The following PDIA6 variants were observed in gnomAD, a reference collection of about 807,000 sequenced individuals.
PDIA6 encodes the protein protein disulfide isomerase family A member 6, also known as protein disulfide-isomerase A6.
A neutral mutation model predicts 58.4 loss-of-function variants in PDIA6; 29 were observed. The observed-to-expected ratio is 0.50, with a 90% CI of 0.37 to 0.68. The LOEUF is 0.68. Among genes scored for constraint, PDIA6 ranks in the 30% least tolerant of loss-of-function variants. The pLI is 0.00. For synonymous variants in PDIA6, 192 were observed against 202.6 expected (o/e 0.95, Z 0.44); for missense variants, 480 against 551.0 (o/e 0.87, Z 1.29).
chr2:10,828,519 G>A (rs780017067), intron 1 of PDIA6, among the ~76,000 whole-genome samples: 12 of 152,094 alleles, frequency 7.9e-5, no homozygotes, highest in East Asian at 1.9e-4. Context: ...TCTGTCTCCC[G>A]CCCTCCTTGC....
upstream of PDIA6, among the ~76,000 whole-genome samples, chr2:10,836,732 T>G (rs1232362080): frequency 6.6e-6 from 1 of 152,140 alleles, no homozygotes; most frequent in African/African-American, 2.4e-5. Context: ...TGGCAACCAC[T>G]GATCTACTTA....
chr2:10,792,525 T>C (rs558963056), intron 5 of PDIA6, among the ~76,000 whole-genome samples: 1 of 152,328 alleles, frequency 6.6e-6, no homozygotes, highest in East Asian at 1.9e-4. Flanking sequence ...AAGAAGCTAG[T>C]GTAACTGGTC....
chr2:10,820,636 T>C (rs1390193978), intron 1 of PDIA6: 1 of 585,166 alleles, frequency 1.7e-6, no homozygotes, highest in Non-Finnish European at 3.1e-6. Flanking sequence ...TCTTGAGCTG[T>C]TTTTTGTTAG....
Position 10,793,120 on chromosome 2 carries a change from GCTCCGTCCCCCGAGGCGATC to G in PDIA6, c.409_428del (p.Asp137ArgfsTer12), listed in dbSNP as rs1666108765. On this transcript the variant is annotated frameshift_variant, in exon 5 of 13. Transcript: ENST00000272227. LOFTEE classifies it high-confidence loss of function. The stretch of plus-strand genomic sequence containing the variant: ...CTTGTTTTCCAGAACTGTATCCTCC[GCTCCGTCCCCCGAGGCGATC>G]CTTCACGAGCTGGCGCAGAGCACTC... 1 of 1,612,896 alleles carries G rather than the reference GCTCCGTCCCCCGAGGCGATC, an allele frequency of 6.2e-7. No homozygotes were observed. Among genetic ancestry groups the G allele is most frequent in the Non-Finnish European group, 8.5e-7 (1 of 1,179,016 alleles).
chr2:10,809,918 T>C (rs1281249987), intron 1 of PDIA6, among the ~76,000 whole-genome samples: 1 of 152,172 alleles, frequency 6.6e-6, no homozygotes, highest in Non-Finnish European at 1.5e-5. Context: ...ATTTTGATTG[T>C]TTCCAGTTTT....
chr2:10,808,563 A>C (rs910522666), intron 1 of PDIA6, among the ~76,000 whole-genome samples: 3 of 152,214 alleles, frequency 2.0e-5, no homozygotes, highest in Non-Finnish European at 4.4e-5. Flanking sequence ...GAGTATCTGA[A>C]TAAAATGCCC....
upstream of PDIA6, among the ~76,000 whole-genome samples, chr2:10,813,914 A>G (rs1040816132): frequency 4.0e-5 from 6 of 151,532 alleles, no homozygotes; most frequent in Non-Finnish European, 8.8e-5. Context: ...TAGCAGAGAC[A>G]GGGTTTCTCC....
At chr2:10,786,487 G>A (rs868038755) in intron 11 of PDIA6, among the ~76,000 whole-genome samples, 4 of 152,008 alleles carry the variant, frequency 2.6e-5, no homozygotes, top group Admixed American at 6.5e-5. Flanking sequence ...TGTGACTGAG[G>A]CACCTGACTT....
chr2:10,807,584 G>C (rs1666816349), intron 1 of PDIA6, among the ~76,000 whole-genome samples: 2 of 152,162 alleles, frequency 1.3e-5, no homozygotes, highest in South Asian at 4.1e-4. Context: ...TTAATTTGTT[G>C]ATATAGCAAA....
At chr2:10,821,288 C>T (rs546083857) in intron 1 of PDIA6, 23 of 163,010 alleles carry the variant, frequency 1.4e-4, no homozygotes, top group East Asian at 7.2e-4. Context: ...GGGCAAGATT[C>T]GGTTAATCAA....
intron 1 of PDIA6, among the ~76,000 whole-genome samples, chr2:10,829,316 G>A (rs893588539): frequency 1.3e-5 from 2 of 152,192 alleles, no homozygotes; most frequent in African/African-American, 4.8e-5. Context: ...AGCGCTGTTG[G>A]CTTCTTCAGC....
intron 2 of PDIA6, among the ~76,000 whole-genome samples, chr2:10,800,141 G>T (rs1214920075): frequency 1.3e-5 from 2 of 152,144 alleles, no homozygotes; most frequent in Non-Finnish European, 2.9e-5. Context: ...GTTGCTGCAG[G>T]TATCTTCAAA....
chr2:10,820,974 CT>C (rs1667370196), intron 1 of PDIA6: 1 of 651,676 alleles, frequency 1.5e-6, no homozygotes, highest in African/African-American at 1.8e-5. Flanking sequence ...GAAACTGACC[CT>C]GGTTAAGCAG....
intron 1 of PDIA6, among the ~76,000 whole-genome samples, chr2:10,820,030 C>T (rs998816292): frequency 3.9e-5 from 6 of 152,130 alleles, no homozygotes; most frequent in Admixed American, 6.5e-5. Context: ...CTCACTTTAC[C>T]GAGGGAGACA....
chr2:10,804,305 G>T (rs1666644476), intron 1 of PDIA6, among the ~76,000 whole-genome samples: 1 of 147,816 alleles, frequency 6.8e-6, no homozygotes, highest in African/African-American at 2.5e-5. Context: ...ATGGTTTTAG[G>T]TCTAACGTTT....
At chr2:10,810,344 A>G in intron 1 of PDIA6, 1 of 1,521,466 alleles carries the variant, frequency 6.6e-7, no homozygotes, top group Non-Finnish European at 8.8e-7. Flanking sequence ...TGGCAGAATT[A>G]GGTACTTTCA....
chr2:10,827,172 C>T (rs1412211574), intron 1 of PDIA6, among the ~76,000 whole-genome samples: 1 of 152,170 alleles, frequency 6.6e-6, no homozygotes, highest in East Asian at 1.9e-4. Flanking sequence ...TAAGCAATTT[C>T]CTGCCTCAAC....
rs201125427 is a variant in PDIA6 at position 10,818,477 on chromosome 2, A to ATTTTT, written c.34+796_34+797insAAAAA. 5.9e-3 allele frequency among the ~76,000 whole-genome samples: 611 copies of ATTTTT among 103,538 alleles called. 8 individuals carry two copies. Among genetic ancestry groups the ATTTTT allele is most frequent in the Non-Finnish European group, 8.1e-3 (431 of 52,888 alleles). The allele number at this position is 103,538 out of a possible 152,430, so 67.9% of individuals were successfully genotyped here. ...CCACTGTGCCCAGCTCACTTTAACC[A>ATTTTT]TTTAATTTATTTATTTATTTATTTA... On this transcript the variant is annotated intron_variant, in intron 2 of 13. Transcript: ENST00000381611.
intron 2 of PDIA6, 150 bp from the exon 3 acceptor site, chr2:10,797,907 G>A (rs947363039): frequency 3.2e-5 from 20 of 625,386 alleles, no homozygotes; most frequent in African/African-American, 1.5e-4. Flanking sequence ...GATCAAGGCC[G>A]GGCACGGTGT....
Sources: allele counts gnomAD v4.1 joint callset (sites outside exome capture counted in the v4.1 genomes callset), GRCh38; gene constraint gnomAD v4.1.1; transcripts MANE v1.5; gene names NCBI Gene and HGNC (gene_info 2026-07-23, HGNC 2026-07-21).